MAST4: variants seen among roughly 807,000 people sequenced by gnomAD.
MAST4 encodes the protein microtubule associated serine/threonine kinase family member 4.
In MAST4, 89 loss-of-function variants were observed where a neutral mutation model predicts 162.7. The ratio of observed to expected loss-of-function variants is 0.55; its 90% CI spans 0.46 to 0.65. The LOEUF is 0.65. Among genes scored for constraint, MAST4 ranks in the 30% least tolerant of loss-of-function variants. The pLI is 0.00. For missense variants in MAST4, 3,153 were observed against 3,374.0 expected (o/e 0.93, Z 1.62); for synonymous variants, 1,479 against 1,361.1 (o/e 1.09, Z -1.91).
chr5:66,740,110 G>A (rs1752400795), intron 1 of MAST4, among the ~76,000 whole-genome samples: 1 of 151,772 alleles, frequency 6.6e-6, no homozygotes, highest in Non-Finnish European at 1.5e-5. Context: ...GTGGGTGGCT[G>A]CTGGAGGACT....
At chr5:66,879,185 A>G (rs539147324) in intron 3 of MAST4, among the ~76,000 whole-genome samples, 2 of 152,276 alleles carry the variant, frequency 1.3e-5, no homozygotes, top group South Asian at 4.2e-4. Flanking sequence ...AGGCTGAGGC[A>G]GGAGAATGGC....
At chr5:66,929,634 C>T (rs1393604524) in intron 4 of MAST4, among the ~76,000 whole-genome samples, 1 of 152,206 alleles carries the variant, frequency 6.6e-6, no homozygotes, top group Non-Finnish European at 1.5e-5. Flanking sequence ...GCCTCCCTCT[C>T]TCACAGCTAG....
Position 67,023,821 on chromosome 5 carries a change from C to A in MAST4, c.675-30583C>A, listed in dbSNP as rs898994670. ...CTCCTTAGCTTATTCATATTCAGTA[C>A]TCAGGTTTTTTTTTAAATTTTGTCC... On this transcript the variant is annotated intron_variant, in intron 4 of 28. Coordinates refer to ENST00000403625, the MANE Select transcript of MAST4 (RefSeq NM_001164664.2). 2.0e-5 allele frequency among the ~76,000 whole-genome samples: 3 copies of A among 151,532 alleles called. No homozygotes were observed. In the East Asian group the frequency reaches 5.8e-4, roughly 29 times the overall value.
At position 66,694,481 on chromosome 5, in the gene MAST4, T is replaced by C. The variant is rs182215627; in HGVS notation, c.364-65228T>C. On this transcript the variant is annotated intron_variant, in intron 1 of 28. Coordinates refer to ENST00000403625, the MANE Select transcript of MAST4 (RefSeq NM_001164664.2). ...GTGATGTTGAGCTTTTTTTTCTTTT[T>C]TTCTTTCTTTTTTTTCTTTTTTTGA... 7.2e-5 allele frequency among the ~76,000 whole-genome samples: 11 copies of C among 152,296 alleles called. No individual in the cohort carries two copies. The East Asian group carries it at 1.5e-3, about 21-fold the overall frequency.
chr5:66,856,235 T>C (rs1243171774), intron 3 of MAST4, among the ~76,000 whole-genome samples: 1 of 152,196 alleles, frequency 6.6e-6, no homozygotes, highest in Non-Finnish European at 1.5e-5. Context: ...GAGTCCCCAC[T>C]GTGGCTAAGG....
intron 3 of MAST4, among the ~76,000 whole-genome samples, chr5:66,846,428 A>G (rs1758862770): frequency 6.6e-6 from 1 of 152,174 alleles, no homozygotes; most frequent in South Asian, 2.1e-4. Flanking sequence ...TTGTAGGCTT[A>G]GAGAGGGATA....
intron 1 of MAST4, among the ~76,000 whole-genome samples, chr5:66,697,380 A>G (rs955214281): frequency 3.3e-5 from 5 of 152,236 alleles, no homozygotes; most frequent in Non-Finnish European, 5.9e-5. Context: ...CTAATACATT[A>G]ATGATAACCA....
At chr5:66,639,821 AT>A (rs1745365172) in intron 1 of MAST4, among the ~76,000 whole-genome samples, 2 of 152,116 alleles carry the variant, frequency 1.3e-5, no homozygotes, top group South Asian at 4.1e-4. Flanking sequence ...ATTTATTTTT[AT>A]TTTAAAATTT....
At chr5:66,873,196 C>T (rs1761065036) in intron 3 of MAST4, among the ~76,000 whole-genome samples, 1 of 152,160 alleles carries the variant, frequency 6.6e-6, no homozygotes, top group Non-Finnish European at 1.5e-5. Context: ...CTTTCCTCCT[C>T]AAAACACTGC....
intron 4 of MAST4, among the ~76,000 whole-genome samples, chr5:66,919,937 C>T (rs1231562834): frequency 7.3e-6 from 1 of 137,512 alleles, no homozygotes; most frequent in Non-Finnish European, 1.5e-5. Context: ...TCCTTCCTTC[C>T]TTCCTTCCTT....
In MAST4 at chr5:67,169,018, T is replaced by G. The variant is rs978407362; in HGVS notation, c.*1967T>G. The G allele has an allele frequency of 6.6e-6, 1 of 152,168 alleles. No individual in the cohort carries two copies. Among genetic ancestry groups the G allele is most frequent in the Non-Finnish European group, 1.5e-5 (1 of 68,022 alleles). 9.4% of individuals were successfully genotyped at this position (152,168 alleles called of 1,614,324 possible). On this transcript the variant is annotated 3_prime_UTR_variant, in exon 29 of 29. Coordinates refer to ENST00000403625, the MANE Select transcript of MAST4 (RefSeq NM_001164664.2). Reference sequence around the variant, plus strand: ...AGCTGTAAAAATATATATATATACTTTACAAGAGTTTACTAATGGATTTCA... The same window carrying G: ...AGCTGTAAAAATATATATATATACTGTACAAGAGTTTACTAATGGATTTCA...
chr5:66,608,898 T>C (rs1743086513), intron 1 of MAST4, among the ~76,000 whole-genome samples: 1 of 152,136 alleles, frequency 6.6e-6, no homozygotes. Flanking sequence ...GACCTAGGAC[T>C]GTCCTTTAGA....
chr5:67,003,437 T>C (rs1364490384), intron 4 of MAST4, among the ~76,000 whole-genome samples: 1 of 152,168 alleles, frequency 6.6e-6, no homozygotes, highest in Non-Finnish European at 1.5e-5. Context: ...AGCAGGCTTC[T>C]TTTTGTTTAC....
intron 3 of MAST4, among the ~76,000 whole-genome samples, chr5:66,884,616 T>A (rs1436136890): frequency 6.6e-6 from 1 of 152,234 alleles, no homozygotes; most frequent in East Asian, 1.9e-4. Context: ...TAAGTGTTAA[T>A]GTTGTAATAC....
At chr5:66,781,396 T>C (rs1259825223) in intron 2 of MAST4, among the ~76,000 whole-genome samples, 1 of 152,230 alleles carries the variant, frequency 6.6e-6, no homozygotes, top group Admixed American at 6.5e-5. Context: ...TGTAAAGATA[T>C]AGGACAAGAG....
intron 5 of MAST4, among the ~76,000 whole-genome samples, chr5:67,076,390 C>T (rs1236856980): frequency 2.6e-5 from 4 of 152,122 alleles, no homozygotes; most frequent in Non-Finnish European, 4.4e-5. Flanking sequence ...AACACAGATG[C>T]ATGTGTCTGT....
intron 3 of MAST4, among the ~76,000 whole-genome samples, chr5:66,868,396 C>CAT (rs1290420595): frequency 4.6e-5 from 7 of 150,546 alleles, no homozygotes; most frequent in East Asian, 2.0e-4. Context: ...ACCAAACTAA[C>CAT]ATATATATAT....
At chr5:66,762,245 G>C (rs903822154) in intron 2 of MAST4, among the ~76,000 whole-genome samples, 1 of 149,744 alleles carries the variant, frequency 6.7e-6, no homozygotes, top group Non-Finnish European at 1.5e-5. Flanking sequence ...ATGTTTAATA[G>C]TCCTTAGAAG....
chr5:67,130,359 G>A lies in MAST4; in HGVS notation c.1895G>A (p.Ser632Asn). The A allele has an allele frequency of 6.2e-7, 1 of 1,614,000 alleles. No individual in the cohort carries two copies. Among genetic ancestry groups the A allele is most frequent in the Non-Finnish European group, 8.5e-7 (1 of 1,179,914 alleles). ...TTTGCAGAAAACCCCTTTGTTGTCA[G>A]CATGTATTGCTCCTTTGAAACAAGG... is the stretch of plus-strand genomic sequence containing the variant. ...LTFAENPFVV[S>N]MYCSFETRRH... The change falls in exon 15 of 29, where the codon AGC (serine) becomes AAC (asparagine). Residue 632 changes from serine to asparagine, a missense_variant. By Grantham distance (46) the Ser-to-Asn change is conservative. This residue lies in a region of MAST4 where 131 missense variants were observed against 253.8 expected (regional missense o/e 0.52). Transcript: ENST00000403625.
Sources: allele counts gnomAD v4.1 joint callset (sites outside exome capture counted in the v4.1 genomes callset), GRCh38; gene constraint gnomAD v4.1.1; regional missense constraint gnomAD v4.1.1; transcripts MANE v1.5; gene names NCBI Gene and HGNC (gene_info 2026-07-23, HGNC 2026-07-21).